Variants in ISM2 observed in about 807,000 individuals in gnomAD.
ISM2 encodes the protein isthmin 2.
A neutral mutation model predicts 58.0 loss-of-function variants in ISM2; 50 were observed. The observed-to-expected ratio is 0.86, with a 90% CI of 0.69 to 1.09. The LOEUF is 1.09. Ranked by LOEUF, ISM2 falls within the 50% of genes least tolerant of loss-of-function variation. The pLI, the probability that ISM2 is intolerant of heterozygous loss-of-function variation, is 0.00. For synonymous variants in ISM2, 303 were observed against 312.4 expected, an observed-to-expected ratio of 0.97 and a Z score of 0.32; for missense variants, 723 against 745.0, an observed-to-expected ratio of 0.97 and a Z score of 0.34.
intron 1 of ISM2, among the ~76,000 whole-genome samples, chr14:77,494,539 G>C (rs903106799): frequency 9.9e-5 from 15 of 152,026 alleles, no homozygotes; most frequent in African/African-American, 3.6e-4. Flanking sequence ...TGGGACCACA[G>C]GTGCCCACAA....
At position 77,474,756 on chromosome 14, in the gene ISM2, G is replaced by A. The variant is rs1294880476; in HGVS notation, c.*839C>T. On this transcript the variant is annotated 3_prime_UTR_variant, in exon 7 of 7. Transcript: ENST00000342219. ...CCCAGAGAACTGGTTTACTATAGAC[G>A]TGTGACACACCGTCCCGAGCTAGTG... The A allele has an allele frequency of 1.3e-5, 2 of 152,200 alleles. No homozygotes were observed. The highest frequency in any genetic ancestry group is 4.8e-5 in the African/African-American group (2 of 41,442). The allele number at this position is 152,200 out of a possible 1,614,324, so 9.4% of individuals were successfully genotyped here.
intron 5 of ISM2, 65 bp from the exon 6 acceptor site, chr14:77,478,390 A>AT: frequency 6.8e-7 from 1 of 1,479,556 alleles, no homozygotes; most frequent in South Asian, 1.2e-5. Flanking sequence ...TGATGGGGAA[A>AT]CCCCCCCACC....
In ISM2 at chr14:77,498,276, T is replaced by C. The variant is rs936724400; in HGVS notation, c.141+377A>G. On this transcript the variant is annotated intron_variant, in intron 1 of 6. Coordinates refer to ENST00000342219, the MANE Select transcript of ISM2 (RefSeq NM_199296.3). ...GCCCGCCACTCCGCAAAGCGCCAGA[T>C]TCCTCGCACCGGCGGGACTCCTCTC... 3.0e-6 allele frequency: 4 copies of C among 1,316,050 alleles called. No homozygotes were observed. The Admixed American group carries it at 6.8e-5, about 22-fold the overall frequency. 81.5% of individuals were successfully genotyped at this position (1,316,050 alleles called of 1,614,324 possible). A position where few individuals can be genotyped will look rare whatever the true frequency, so the allele number is the denominator to read the frequency against.
At chr14:77,498,544 G>A (rs1399868531) in intron 1 of ISM2, 109 bp downstream of exon 1, 2 of 1,378,364 alleles carry the variant, frequency 1.5e-6, no homozygotes, top group Admixed American at 5.1e-5. Flanking sequence ...TCCATCGGGG[G>A]GTCGCTGCCT....
At chr14:77,481,061 C>T (rs1000126243) in intron 4 of ISM2, among the ~76,000 whole-genome samples, 2 of 151,774 alleles carry the variant, frequency 1.3e-5, no homozygotes, top group Non-Finnish European at 2.9e-5. Context: ...TCATCATGGC[C>T]GGGCACGGTG....
chr14:77,475,130 T>C lies in ISM2; in HGVS notation c.*465A>G, dbSNP rs1161153381. The C allele has an allele frequency of 2.0e-5, 3 of 152,668 alleles. No individual in the cohort carries two copies. The highest frequency in any genetic ancestry group is 2.9e-5 in the Non-Finnish European group (2 of 68,610). The allele number at this position is 152,668 out of a possible 1,614,324, so 9.5% of individuals were successfully genotyped here. Reference sequence around the variant, plus strand: ...GCTGGATGCCCCCCCCGGCAAAGGATGGCTGTGCCCATGAGAAGAGTGGCC... The same window carrying C: ...GCTGGATGCCCCCCCCGGCAAAGGACGGCTGTGCCCATGAGAAGAGTGGCC... On this transcript the variant is annotated 3_prime_UTR_variant, in exon 7 of 7. Coordinates refer to ENST00000342219, the MANE Select transcript of ISM2 (RefSeq NM_199296.3). This position sits in a 1 kb window ranked among gnomAD's most constrained non-coding sequence, Gnocchi z 4.1.
chr14:77,498,230 G>T, intron 1 of ISM2: 1 of 1,289,078 alleles, frequency 7.8e-7, no homozygotes. Flanking sequence ...TCACCTGACC[G>T]TTTGAACCTC....
chr14:77,483,217 G>A (rs1007656204), intron 3 of ISM2, among the ~76,000 whole-genome samples: 3 of 152,126 alleles, frequency 2.0e-5, no homozygotes, highest in African/African-American at 7.2e-5. Context: ...GAGGTTCACT[G>A]AACAAAATTT....
At chr14:77,483,791 A>G (rs1416432221) in intron 3 of ISM2, 2 of 152,360 alleles carry the variant, frequency 1.3e-5, no homozygotes, top group East Asian at 1.9e-4. Context: ...TAGCTGCTAC[A>G]CAAACATGCA....
intron 1 of ISM2, among the ~76,000 whole-genome samples, chr14:77,489,729 T>C (rs558363101): frequency 1.3e-5 from 2 of 152,190 alleles, no homozygotes; most frequent in Non-Finnish European, 2.9e-5. Context: ...ATAAGAGTAG[T>C]GCTGACCAAG....
Position 77,484,564 on chromosome 14 carries a change from GC to G in ISM2, c.385del (p.Ala129LeufsTer10). 3 of 1,581,720 alleles carry G rather than the reference GC, an allele frequency of 1.9e-6. No individual in the cohort carries two copies. The highest frequency in any genetic ancestry group is 2.6e-6 in the Non-Finnish European group (3 of 1,163,926). On this transcript the variant is annotated frameshift_variant and splice_region_variant, in exon 3 of 7. Transcript: ENST00000342219. LOFTEE classifies it high-confidence loss of function. ...TLSTPNPDTQASASPDPRPLR... is the reference protein window; with the variant it reads ...TLSTPNPDTQXSASPDPRPLR... ...AGGCCTAGGATCTGGGGAGGCTGAA[GC>G]CTGAGGAAGAGAGAGGGAAGGTGAG...
rs2079089957 is a variant in ISM2, at chr14:77,475,412, C to T, written c.*183G>A. ...GGCCCTACATACCCTTCAACCTTCT[C>T]ACTAACCCCACTGAGATATCTGCTT... On this transcript the variant is annotated 3_prime_UTR_variant, in exon 7 of 7. Transcript: ENST00000342219. This position sits in a 1 kb window ranked among gnomAD's most constrained non-coding sequence, Gnocchi z 4.1. 1.7e-6 allele frequency: 1 copy of T among 573,258 alleles called. No homozygotes were observed. The highest frequency in any genetic ancestry group is 3.0e-6 in the Non-Finnish European group (1 of 335,602). The allele number at this position is 573,258 out of a possible 1,614,324, so 35.5% of individuals were successfully genotyped here. A position where few individuals can be genotyped will look rare whatever the true frequency, so the allele number is the denominator to read the frequency against.
At chr14:77,497,863 C>T (rs1433238384) in intron 1 of ISM2, among the ~76,000 whole-genome samples, 2 of 151,580 alleles carry the variant, frequency 1.3e-5, no homozygotes, top group African/African-American at 4.9e-5. Context: ...GCTATTCGGG[C>T]CTCCTACAGC....
chr14:77,494,924 C>T (rs1461696240), intron 1 of ISM2, among the ~76,000 whole-genome samples: 2 of 152,084 alleles, frequency 1.3e-5, no homozygotes, highest in Non-Finnish European at 2.9e-5. Flanking sequence ...CGCTTTGTCA[C>T]CCAGGTTGGA....
intron 4 of ISM2, 73 bp from the exon 5 acceptor site, chr14:77,478,788 C>T (rs1566753240): frequency 6.7e-7 from 1 of 1,494,416 alleles, no homozygotes; most frequent in Non-Finnish European, 9.2e-7. Flanking sequence ...CAGCACAGGG[C>T]ACCCTTTCCT....
chr14:77,490,421 T>C (rs1409075291), intron 1 of ISM2, among the ~76,000 whole-genome samples: 1 of 152,246 alleles, frequency 6.6e-6, no homozygotes, highest in East Asian at 1.9e-4. Context: ...TCACCCTATA[T>C]GTACAGACTC....
chr14:77,493,536 A>G (rs1322473466), intron 1 of ISM2, among the ~76,000 whole-genome samples: 2 of 152,134 alleles, frequency 1.3e-5, no homozygotes, highest in East Asian at 1.9e-4. Flanking sequence ...ATCTCAGCAC[A>G]CTGCAACCTC....
intron 1 of ISM2, among the ~76,000 whole-genome samples, chr14:77,490,220 A>G (rs1321851780): frequency 1.3e-5 from 2 of 151,696 alleles, no homozygotes; most frequent in Non-Finnish European, 2.9e-5. Context: ...GATGGTCTCA[A>G]TCTCTTGACT....
intron 6 of ISM2, 113 bp from the exon 7 acceptor site, chr14:77,476,225 G>C: frequency 8.3e-7 from 1 of 1,199,882 alleles, no homozygotes; most frequent in Non-Finnish European, 1.1e-6. Context: ...GCCCCAGCTG[G>C]TGCAAAGGCG....
Sources: gnomAD v4.1 joint callset for allele counts (sites outside exome capture counted in the v4.1 genomes callset) on GRCh38, gnomAD v4.1.1 for gene constraint, Gnocchi (gnomAD v3.1) non-coding constraint, MANE v1.5 for transcripts, NCBI Gene and HGNC (gene_info 2026-07-23, HGNC 2026-07-21) for gene names.